The following SMG6 variants were observed in gnomAD, a reference collection of about 807,000 sequenced individuals.
The protein encoded by SMG6 is SMG6 nonsense mediated mRNA decay factor.
A neutral mutation model predicts 142.2 loss-of-function variants in SMG6; 66 were observed. That is an observed-to-expected ratio of 0.46 (90% CI 0.38 to 0.57). The LOEUF is 0.57. SMG6 is among the 20% of genes least tolerant of loss of function. SMG6 has a pLI of 0.00. For synonymous variants in SMG6, 779 were observed against 702.4 expected, an observed-to-expected ratio of 1.11 and a Z score of -1.72; for missense variants, 1,793 against 1,832.0, an observed-to-expected ratio of 0.98 and a Z score of 0.39.
At chr17:2,087,001 A>C (rs1436901866) in intron 13 of SMG6, 2 of 1,288,420 alleles carry the variant, frequency 1.6e-6, no homozygotes, top group African/African-American at 1.5e-5. Flanking sequence ...CTTTTAATGC[A>C]TCCTCGTTTC....
Position 2,299,728 on chromosome 17 carries a change from C to T in SMG6, c.1025G>A (p.Ser342Asn), listed in dbSNP as rs1392174345. The T allele has an allele frequency of 1.2e-6, 2 of 1,614,202 alleles. No individual in the cohort carries two copies. The highest frequency in any genetic ancestry group is 4.5e-5 in the East Asian group (2 of 44,888). ...AAGAGTGCCTCGATATTCTTTAGCA[C>T]TGTTTTTCTGCTCACCCTCCCCACG... ...SGRGEGEQKN[S>N]AKEYRGTLRV... Residue 342 changes from serine to asparagine, a missense_variant, in exon 2 of 19, where the codon AGT becomes AAT. Physicochemically the swap from Ser to Asn is conservative, Grantham distance 46. This residue lies in a region of SMG6 where 1,597 missense variants were observed against 1,584.6 expected (regional missense o/e 1.01). Coordinates refer to ENST00000263073, the MANE Select transcript of SMG6 (RefSeq NM_017575.5). The surrounding 1 kb of genome is among the most constrained non-coding windows in gnomAD (Gnocchi z 4.3).
intron 10 of SMG6, among the ~76,000 whole-genome samples, chr17:2,198,163 A>T (rs2072390536): frequency 6.6e-6 from 1 of 152,254 alleles, no homozygotes. Flanking sequence ...AGCAATAAAA[A>T]GGAATGAACA....
rs193271624 is a variant in SMG6 at position 2,292,746 on chromosome 17, G to A, written c.2259-116C>T. On this transcript the variant is annotated intron_variant, in intron 5 of 18. Transcript: ENST00000263073. ...AGAGTGTTAGATGTAACCCTGGAGG[G>A]GTAAGGCATGACTACAGGGACCAAT... The A allele has an allele frequency of 1.2e-5, 17 of 1,427,720 alleles. No individual in the cohort carries two copies. The Admixed American group carries it at 2.3e-4, about 19-fold the overall frequency. 88.4% of individuals were successfully genotyped at this position (1,427,720 alleles called of 1,614,324 possible). A position where few individuals can be genotyped will look rare whatever the true frequency, so the allele number is the denominator to read the frequency against.
intron 13 of SMG6, among the ~76,000 whole-genome samples, chr17:2,125,620 A>G (rs938705557): frequency 5.9e-5 from 9 of 152,340 alleles, no homozygotes; most frequent in African/African-American, 2.2e-4. Context: ...CAAAATCCCA[A>G]TGGCATTTTC....
chr17:2,266,448 C>T (rs1014196780), intron 8 of SMG6, among the ~76,000 whole-genome samples: 2 of 152,134 alleles, frequency 1.3e-5, no homozygotes, highest in African/African-American at 4.8e-5. Flanking sequence ...ACCATTTACT[C>T]CTCTATATTT....
intron 8 of SMG6, among the ~76,000 whole-genome samples, chr17:2,249,449 T>C (rs1323026509): frequency 1.3e-5 from 2 of 152,106 alleles, no homozygotes; most frequent in Non-Finnish European, 2.9e-5. Flanking sequence ...CGCATACCAA[T>C]GTGCAGGGCT....
chr17:2,088,429 A>C, intron 13 of SMG6: 1 of 985,322 alleles, frequency 1.0e-6, no homozygotes, highest in Non-Finnish European at 1.2e-6. Flanking sequence ...GCCCTCTCCC[A>C]GTTTTCATTT....
At chr17:2,211,947 T>C (rs925806158) in intron 10 of SMG6, among the ~76,000 whole-genome samples, 6 of 152,270 alleles carry the variant, frequency 3.9e-5, no homozygotes, top group East Asian at 3.9e-4. Context: ...AAGAGCCAGT[T>C]TGGTTATATT....
intron 6 of SMG6, among the ~76,000 whole-genome samples, chr17:2,287,888 T>C (rs904450532): frequency 3.9e-5 from 6 of 151,948 alleles, no homozygotes; most frequent in South Asian, 4.2e-4. Context: ...GTTGCAGAGG[T>C]TGTGGGAAGA....
chr17:2,081,862 A>G lies in SMG6; in HGVS notation c.3629T>C (p.Leu1210Pro). The change falls in exon 15 of 19, where the codon CTG becomes CCG. Residue 1210 changes from leucine (L) to proline (P), a missense_variant. This residue lies in a region of SMG6 where 1,597 missense variants were observed against 1,584.6 expected (regional missense o/e 1.01). Coordinates refer to ENST00000263073, the MANE Select transcript of SMG6 (RefSeq NM_017575.5). ...CTCAGCTATCTTCCTGGCCAGAGCC[A>G]GCTTCTTGGCCCGAAGCTCCCTGAT... ...DDIRELRAKK[L>P]ALARKIAEQQ... The G allele has an allele frequency of 6.2e-7, 1 of 1,614,116 alleles. No individual in the cohort carries two copies.
chr17:2,194,187 A>ACTGT (rs1465036726), intron 10 of SMG6, among the ~76,000 whole-genome samples: 2 of 152,342 alleles, frequency 1.3e-5, no homozygotes, highest in East Asian at 3.9e-4. Flanking sequence ...GCACGCAAGT[A>ACTGT]CTGTGTGTGC....
At chr17:2,188,334 C>A (rs1361099477) in intron 11 of SMG6, 65 bp downstream of exon 11, 1 of 1,311,536 alleles carries the variant, frequency 7.6e-7, no homozygotes, top group African/African-American at 1.5e-5. Context: ...CAGCATGGCA[C>A]TGTGAGGTCT....
intron 13 of SMG6, among the ~76,000 whole-genome samples, chr17:2,113,598 T>C (rs184957544): frequency 6.6e-6 from 1 of 152,318 alleles, no homozygotes; most frequent in Admixed American, 6.5e-5. Flanking sequence ...AAGTGAGCTA[T>C]ATGGCATTCT....
intron 18 of SMG6, 35 bp downstream of exon 18, chr17:2,065,038 G>C: frequency 6.4e-7 from 1 of 1,552,764 alleles, no homozygotes; most frequent in Non-Finnish European, 8.9e-7. Context: ...AGGGCAGTGG[G>C]GATGGAAGAT....
intron 13 of SMG6, among the ~76,000 whole-genome samples, chr17:2,168,711 T>C (rs1231329435): frequency 3.3e-5 from 5 of 152,006 alleles, no homozygotes; most frequent in African/African-American, 1.2e-4. Flanking sequence ...ACCCCGTCTC[T>C]ATTAAAAAAC....
chr17:2,216,368 G>T (rs761687970), intron 10 of SMG6, among the ~76,000 whole-genome samples: 1 of 151,958 alleles, frequency 6.6e-6, no homozygotes, highest in Admixed American at 6.6e-5. Flanking sequence ...GAAAAGGGGG[G>T]GAAAAAGTAG....
intron 4 of SMG6, among the ~76,000 whole-genome samples, chr17:2,296,617 G>A (rs1451057534): frequency 1.3e-5 from 2 of 152,170 alleles, no homozygotes; most frequent in Non-Finnish European, 2.9e-5. Flanking sequence ...CCTAGGCTAT[G>A]CACTCCTCAT....
intron 10 of SMG6, among the ~76,000 whole-genome samples, chr17:2,209,942 GCCTTCACTGAGA>G (rs148891624): frequency 8.3e-4 from 127 of 152,280 alleles, no homozygotes; most frequent in Non-Finnish European, 1.6e-3. Context: ...ACAGAAAGAG[GCCTTCACTGAGA>G]CCTTCACTGA....
chr17:2,084,973 C>G (rs1038657885), intron 14 of SMG6, among the ~76,000 whole-genome samples: 14 of 152,156 alleles, frequency 9.2e-5, no homozygotes, highest in Non-Finnish European at 1.3e-4. Context: ...GCAGTGTTTA[C>G]TTAAACTGAC....
Sources: allele counts gnomAD v4.1 joint callset (sites outside exome capture counted in the v4.1 genomes callset), GRCh38; gene constraint gnomAD v4.1.1; regional missense constraint gnomAD v4.1.1; non-coding constraint Gnocchi (gnomAD v3.1); transcripts MANE v1.5; gene names NCBI Gene and HGNC (gene_info 2026-07-23, HGNC 2026-07-21).